PRELID2: variants seen among roughly 807,000 people sequenced by gnomAD.
The protein encoded by PRELID2 is PRELI domain-containing protein 2.
A neutral mutation model predicts 28.4 loss-of-function variants in PRELID2; 25 were observed. The ratio of observed to expected loss-of-function variants is 0.88; its 90% CI spans 0.64 to 1.23. PRELID2 has a LOEUF of 1.23. Among genes scored for constraint, PRELID2 ranks in the 50% most tolerant of loss-of-function variants. The pLI is 0.00. For missense variants in PRELID2, 201 were observed against 214.4 expected (o/e 0.94, Z 0.39); for synonymous variants, 76 against 71.6 (o/e 1.06, Z -0.31).
chr5:145,824,520 C>A (rs1755050853), intron 1 of PRELID2, among the ~76,000 whole-genome samples: 1 of 149,984 alleles, frequency 6.7e-6, no homozygotes, highest in South Asian at 2.1e-4. Context: ...TTAACACATT[C>A]TTAAAGATAT....
chr5:145,809,928 C>T (rs1753815136), intron 4 of PRELID2, among the ~76,000 whole-genome samples: 1 of 152,118 alleles, frequency 6.6e-6, no homozygotes, highest in Admixed American at 6.5e-5. Context: ...AAATGCATGT[C>T]AATTATATTC....
chr5:145,506,312 T>G (rs573486538), intron 1 of PRELID2, among the ~76,000 whole-genome samples: 135 of 152,236 alleles, frequency 8.9e-4, no homozygotes, highest in Non-Finnish European at 1.6e-3. Context: ...CTTAGTCCAC[T>G]AGGATACATA....
intron 1 of PRELID2, among the ~76,000 whole-genome samples, chr5:145,507,014 C>A (rs1243964378): frequency 1.3e-5 from 2 of 152,162 alleles, no homozygotes; most frequent in African/African-American, 4.8e-5. Context: ...GAAATATACA[C>A]AAGGATTTTC....
At chr5:145,740,673 A>G (rs1394183339) in intron 1 of PRELID2, among the ~76,000 whole-genome samples, 1 of 57,006 alleles carries the variant, frequency 1.8e-5, no homozygotes, top group African/African-American at 5.8e-5. Flanking sequence ...AAATAAATAT[A>G]TATTTTATAT....
At chr5:145,733,602 G>C (rs1756410843) in intron 1 of PRELID2, among the ~76,000 whole-genome samples, 1 of 152,172 alleles carries the variant, frequency 6.6e-6, no homozygotes, top group Non-Finnish European at 1.5e-5. Context: ...TCTGAGTACA[G>C]AATCCTTCTA....
intron 4 of PRELID2, among the ~76,000 whole-genome samples, chr5:145,809,036 CTTTT>C (rs372516210): frequency 3.8e-5 from 4 of 105,830 alleles, no homozygotes; most frequent in African/African-American, 1.4e-4. Context: ...TTTTTTTTTG[CTTTT>C]TTTTTTTTTT....
the PRELID2 span, among the ~76,000 whole-genome samples, chr5:145,312,137 G>C: frequency 2.6e-5 from 4 of 151,826 alleles, no homozygotes; most frequent in African/African-American, 9.7e-5. Context: ...CTTGATCCCA[G>C]GAATTTGAGA....
At chr5:145,299,635 ATGTGTGTGCG>A in the PRELID2 span, among the ~76,000 whole-genome samples, 44 of 107,606 alleles carry the variant, frequency 4.1e-4, no homozygotes, top group African/African-American at 6.4e-4. Context: ...CTACATATAT[ATGTGTGTGCG>A]TGTGTGTGTG....
chr5:145,353,109 C>T, the PRELID2 span, among the ~76,000 whole-genome samples: 1 of 152,134 alleles, frequency 6.6e-6, no homozygotes, highest in Non-Finnish European at 1.5e-5. Flanking sequence ...TATAGCAGCA[C>T]CCCACTCTCT....
At chr5:145,701,378 A>G (rs532443000) in intron 1 of PRELID2, among the ~76,000 whole-genome samples, 2 of 152,214 alleles carry the variant, frequency 1.3e-5, no homozygotes, top group Non-Finnish European at 2.9e-5. Context: ...GACCATATAA[A>G]AATTTTAGAC....
intron 5 of PRELID2, among the ~76,000 whole-genome samples, chr5:145,781,110 G>A (rs1475253976): frequency 2.0e-5 from 3 of 152,116 alleles, no homozygotes; most frequent in South Asian, 2.1e-4. Flanking sequence ...GCCCATTAGG[G>A]GTGGCTACAA....
Position 145,793,477 on chromosome 5 carries a change from G to C in PRELID2, c.474+2965C>G, listed in dbSNP as rs139346350. ...TGAAGGTTTATCAGGAAGTCAGGCT[G>C]ATACCAGAAAAAATGACCACTTGGA... On this transcript the variant is annotated intron_variant, in intron 5 of 6. Coordinates refer to ENST00000683046, the MANE Select transcript of PRELID2 (RefSeq NM_205846.3). 8.2e-3 allele frequency among the ~76,000 whole-genome samples: 1,249 copies of C among 152,102 alleles called. 18 individuals carry two copies. The highest frequency in any genetic ancestry group is 0.027 in the African/African-American group (1,108 of 41,486).
chr5:145,505,758 T>C (rs1184907270), intron 1 of PRELID2, among the ~76,000 whole-genome samples: 1 of 152,098 alleles, frequency 6.6e-6, no homozygotes, highest in Non-Finnish European at 1.5e-5. Flanking sequence ...TAAATTCCCA[T>C]CAACAGAAGA....
chr5:145,729,014 A>G (rs1180034917), intron 1 of PRELID2: 2 of 699,090 alleles, frequency 2.9e-6, no homozygotes, highest in Non-Finnish European at 5.2e-6. Context: ...TCCTGGCCAA[A>G]GTAACATTGG....
chr5:145,555,530 A>G (rs1336080667), intron 1 of PRELID2, among the ~76,000 whole-genome samples: 1 of 152,214 alleles, frequency 6.6e-6, no homozygotes, highest in African/African-American at 2.4e-5. Flanking sequence ...CATAACCCCT[A>G]GATTTGGGGT....
At chr5:145,721,749 A>G (rs956741149) in intron 1 of PRELID2, among the ~76,000 whole-genome samples, 3 of 152,186 alleles carry the variant, frequency 2.0e-5, no homozygotes, top group Admixed American at 2.0e-4. Flanking sequence ...CTAAATCTAA[A>G]GGGATGGACA....
chr5:145,298,473 G>T, the PRELID2 span, among the ~76,000 whole-genome samples: 3 of 152,294 alleles, frequency 2.0e-5, no homozygotes, highest in Admixed American at 2.0e-4. Flanking sequence ...ATTAATTCAA[G>T]ATGGATTAAA....
At chr5:145,732,048 T>C (rs528927516) in intron 1 of PRELID2, among the ~76,000 whole-genome samples, 1 of 152,326 alleles carries the variant, frequency 6.6e-6, no homozygotes, top group East Asian at 1.9e-4. Flanking sequence ...ATAATAACAC[T>C]ATCACTAAAG....
At chr5:145,772,067 T>C (rs1020673584) in intron 5 of PRELID2, among the ~76,000 whole-genome samples, 1 of 152,236 alleles carries the variant, frequency 6.6e-6, no homozygotes, top group African/African-American at 2.4e-5. Flanking sequence ...TCCTTTTAGA[T>C]GCAGAACTTT....
Sources: gnomAD v4.1 joint callset for allele counts (sites outside exome capture counted in the v4.1 genomes callset) on GRCh38, gnomAD v4.1.1 for gene constraint, MANE v1.5 for transcripts, NCBI Gene and HGNC (gene_info 2026-07-23, HGNC 2026-07-21) for gene names.